CTNNA3: variants seen among roughly 807,000 people sequenced by gnomAD.
The protein encoded by CTNNA3 is catenin alpha-3.
In CTNNA3, 76 loss-of-function variants were observed where a neutral mutation model predicts 95.7. The observed-to-expected ratio is 0.79, with a 90% confidence interval of 0.66 to 0.96. CTNNA3 has a LOEUF of 0.96. Ranked by LOEUF, CTNNA3 falls within the 40% of genes least tolerant of loss-of-function variation. The pLI is 0.00. For missense variants in CTNNA3, 1,191 were observed against 1,089.8 expected (o/e 1.09, Z -1.31); for synonymous variants, 431 against 374.4 (o/e 1.15, Z -1.74).
intron 7 of CTNNA3, among the ~76,000 whole-genome samples, chr10:66,805,085 G>A (rs1841587158): frequency 6.6e-6 from 1 of 152,042 alleles, no homozygotes; most frequent in Non-Finnish European, 1.5e-5. Flanking sequence ...AAGATTCCCT[G>A]GTGATAACAT....
rs187225637 is a variant in CTNNA3, at chr10:67,560,113, T to C, written c.293-20444A>G. Among the ~76,000 whole-genome samples the C allele has an allele frequency of 2.6e-5, 4 of 152,054 alleles. 1 individual carries two copies. The highest frequency in any genetic ancestry group is 2.6e-4 in the Admixed American group (4 of 15,258). The stretch of plus-strand genomic sequence containing the variant: ...CCCAATCTAGCAAGGCAGGCCAACA[T>C]TCAGATTCAGGAAATACAGAGAACA... On this transcript the variant is annotated intron_variant, in intron 3 of 17. Coordinates refer to ENST00000433211, the MANE Select transcript of CTNNA3 (RefSeq NM_013266.4).
intron 7 of CTNNA3, among the ~76,000 whole-genome samples, chr10:67,041,020 G>A (rs1026880085): frequency 6.6e-6 from 1 of 151,962 alleles, no homozygotes; most frequent in Non-Finnish European, 1.5e-5. Context: ...TACAGTAGGA[G>A]AAAAAGCAGA....
At chr10:66,595,088 A>G (rs1843668835) in intron 10 of CTNNA3, among the ~76,000 whole-genome samples, 1 of 152,032 alleles carries the variant, frequency 6.6e-6, no homozygotes, top group Non-Finnish European at 1.5e-5. Context: ...ACAAACACCC[A>G]TGGTCAAAAA....
chr10:67,031,507 T>C (rs1564843150), intron 7 of CTNNA3, among the ~76,000 whole-genome samples: 1 of 152,176 alleles, frequency 6.6e-6, no homozygotes, highest in African/African-American at 2.4e-5. Flanking sequence ...TTCCTGATAA[T>C]TAAAAAGGAA....
intron 13 of CTNNA3, among the ~76,000 whole-genome samples, chr10:66,165,693 C>G (rs919508577): frequency 6.6e-6 from 1 of 151,890 alleles, no homozygotes; most frequent in Admixed American, 6.6e-5. Context: ...AGTATTATTA[C>G]CATCTTATTA....
intron 9 of CTNNA3, among the ~76,000 whole-genome samples, chr10:66,659,722 T>G (rs1846194239): frequency 6.6e-6 from 1 of 152,138 alleles, no homozygotes; most frequent in African/African-American, 2.4e-5. Flanking sequence ...TCTTCTGCCA[T>G]GTGAGGACAC....
intron 5 of CTNNA3, among the ~76,000 whole-genome samples, chr10:67,348,349 G>A (rs886590435): frequency 1.3e-5 from 2 of 152,106 alleles, no homozygotes; most frequent in African/African-American, 4.8e-5. Flanking sequence ...CAATTGACAG[G>A]GTGAAAACGC....
At chr10:67,130,279 T>A (rs1407876346) in intron 7 of CTNNA3, among the ~76,000 whole-genome samples, 1 of 152,016 alleles carries the variant, frequency 6.6e-6, no homozygotes, top group African/African-American at 2.4e-5. Flanking sequence ...CTAGATGAAA[T>A]CCAGTCTCCT....
chr10:66,599,607 G>T (rs1480216718), intron 10 of CTNNA3, among the ~76,000 whole-genome samples: 1 of 151,794 alleles, frequency 6.6e-6, no homozygotes, highest in Non-Finnish European at 1.5e-5. Flanking sequence ...ACTCATTACA[G>T]GTGTTTTTCT....
At chr10:66,345,597 A>G (rs1208969063) in intron 12 of CTNNA3, among the ~76,000 whole-genome samples, 1 of 152,140 alleles carries the variant, frequency 6.6e-6, no homozygotes, top group East Asian at 1.9e-4. Flanking sequence ...TACCCAAAGA[A>G]GGTGGAAACT....
intron 10 of CTNNA3, among the ~76,000 whole-genome samples, chr10:66,572,263 A>C (rs1174653305): frequency 2.0e-5 from 3 of 151,882 alleles, no homozygotes; most frequent in Non-Finnish European, 4.4e-5. Flanking sequence ...CGTGCCTGTA[A>C]TCCCATCTAC....
chr10:66,294,651 A>C (rs141115829), intron 12 of CTNNA3, among the ~76,000 whole-genome samples: 1 of 152,154 alleles, frequency 6.6e-6, no homozygotes, highest in Non-Finnish European at 1.5e-5. Flanking sequence ...GACATTTGGT[A>C]CTGAGATAGA....
intron 17 of CTNNA3, among the ~76,000 whole-genome samples, chr10:65,957,186 G>T (rs2077748959): frequency 1.3e-5 from 2 of 152,104 alleles, no homozygotes; most frequent in Admixed American, 1.3e-4. Flanking sequence ...TTTCAAGTCT[G>T]TTTTATCAGA....
chr10:66,919,909 C>T (rs1846700957), intron 7 of CTNNA3, among the ~76,000 whole-genome samples: 1 of 152,170 alleles, frequency 6.6e-6, no homozygotes, highest in African/African-American at 2.4e-5. Flanking sequence ...AAACATTAAA[C>T]TCTTTACAAA....
At chr10:66,994,359 T>A (rs1344436274) in intron 7 of CTNNA3, among the ~76,000 whole-genome samples, 2 of 152,234 alleles carry the variant, frequency 1.3e-5, no homozygotes, top group Admixed American at 1.3e-4. Context: ...AATTTGCTTC[T>A]ACATTAGGTA....
intron 5 of CTNNA3, among the ~76,000 whole-genome samples, chr10:67,273,674 G>A (rs1461097882): frequency 6.6e-6 from 1 of 152,006 alleles, no homozygotes; most frequent in Non-Finnish European, 1.5e-5. Context: ...GAAATGCCCA[G>A]GTGTCAAAAA....
intron 5 of CTNNA3, among the ~76,000 whole-genome samples, chr10:67,367,208 C>G: frequency 6.6e-6 from 1 of 152,036 alleles, no homozygotes; most frequent in East Asian, 1.9e-4. Context: ...AAAATCCAGA[C>G]TCTATAAGGA....
At chr10:67,577,075 G>C (rs867759788) in intron 3 of CTNNA3, among the ~76,000 whole-genome samples, 34 of 150,822 alleles carry the variant, frequency 2.3e-4, no homozygotes, top group Middle Eastern at 3.4e-3. Context: ...ACCCAGTAAT[G>C]GGATGGCTGG....
At chr10:66,475,787 T>C (rs1045248139) in intron 11 of CTNNA3, among the ~76,000 whole-genome samples, 2 of 152,062 alleles carry the variant, frequency 1.3e-5, no homozygotes, top group African/African-American at 4.8e-5. Flanking sequence ...AGTTGAAACA[T>C]TGTGGAAGAC....
Sources: allele counts gnomAD v4.1 joint callset (sites outside exome capture counted in the v4.1 genomes callset), GRCh38; gene constraint gnomAD v4.1.1; transcripts MANE v1.5; gene names NCBI Gene and HGNC (gene_info 2026-07-23, HGNC 2026-07-21).